MAGI1: variants seen among roughly 807,000 people sequenced by gnomAD.
The protein encoded by MAGI1 is membrane associated guanylate kinase, WW and PDZ domain containing 1, also known as membrane-associated guanylate kinase, WW and PDZ domain-containing protein 1.
A neutral mutation model predicts 139.9 loss-of-function variants in MAGI1; 58 were observed. The ratio of observed to expected loss-of-function variants is 0.41; its 90% CI spans 0.34 to 0.52. MAGI1 has a LOEUF of 0.52. Ranked by LOEUF, MAGI1 falls within the 20% of genes least tolerant of loss-of-function variation. The pLI, the probability that MAGI1 is intolerant of heterozygous loss-of-function variation, is 0.12. For synonymous variants in MAGI1, 812 were observed against 737.9 expected (o/e 1.10, Z -1.63); for missense variants, 1,874 against 1,901.6 (o/e 0.99, Z 0.27).
chr3:65,409,414 G>A (rs183071736), intron 12 of MAGI1, among the ~76,000 whole-genome samples: 1 of 152,274 alleles, frequency 6.6e-6, no homozygotes, highest in Admixed American at 6.5e-5. Flanking sequence ...GGGTGGGGGA[G>A]TGGGTGGAAG....
chr3:66,015,481 C>G (rs924881098), intron 1 of MAGI1, among the ~76,000 whole-genome samples: 1 of 152,058 alleles, frequency 6.6e-6, no homozygotes, highest in African/African-American at 2.4e-5. Context: ...ATCTTAACTC[C>G]TCTGTGCCTC....
intron 1 of MAGI1, among the ~76,000 whole-genome samples, chr3:65,750,328 G>T (rs2036042728): frequency 6.6e-6 from 1 of 152,038 alleles, no homozygotes; most frequent in African/African-American, 2.4e-5. Flanking sequence ...AAGTACCAGG[G>T]ATTTATACGT....
intron 2 of MAGI1, among the ~76,000 whole-genome samples, chr3:65,574,117 T>C (rs983930250): frequency 2.0e-5 from 3 of 151,984 alleles, no homozygotes; most frequent in Middle Eastern, 3.2e-3. Context: ...AAGATCAATA[T>C]ATAAAAATCT....
In MAGI1 at chr3:65,988,206, C is replaced by G. The variant is rs1380056352; in HGVS notation, c.313+49790G>C. The stretch of plus-strand genomic sequence containing the variant: ...CCCCTACAAGTTACTCAAATCTACA[C>G]TTGTCCCGAAATTCAGGATATCCAT... On this transcript the variant is annotated intron_variant, in intron 1 of 22. Transcript: ENST00000402939. Among the ~76,000 whole-genome samples, 5 of 152,202 alleles carry G rather than the reference C, an allele frequency of 3.3e-5. No homozygotes were observed. The East Asian group carries it at 9.6e-4, about 29-fold the overall frequency.
intron 1 of MAGI1, among the ~76,000 whole-genome samples, chr3:65,869,594 G>C (rs1278988297): frequency 6.6e-6 from 1 of 151,826 alleles, no homozygotes; most frequent in Non-Finnish European, 1.5e-5. Flanking sequence ...TAGAGACAGG[G>C]TTTCACTGTG....
Position 65,984,512 on chromosome 3 carries a change from ATGTGTGTG to A in MAGI1, c.313+53476_313+53483del, listed in dbSNP as rs34046056. On this transcript the variant is annotated intron_variant, in intron 1 of 22. Coordinates refer to ENST00000402939, the MANE Select transcript of MAGI1 (RefSeq NM_001033057.2). ...TTTAATATAATATTTTCAAAATAAA[ATGTGTGTG>A]TGTGTGTGTGTGTGTGTGTGTGTGT... 1.9e-3 allele frequency among the ~76,000 whole-genome samples: 264 copies of A among 140,472 alleles called. 1 individual carries two copies. Among genetic ancestry groups the A allele is most frequent in the African/African-American group, 4.8e-3 (179 of 37,338 alleles). 92.2% of individuals were successfully genotyped at this position (140,472 alleles called of 152,430 possible).
intron 1 of MAGI1, among the ~76,000 whole-genome samples, chr3:66,003,370 G>C (rs2066851154): frequency 6.6e-6 from 1 of 152,086 alleles, no homozygotes; most frequent in Non-Finnish European, 1.5e-5. Context: ...AAAGAGGAGA[G>C]GCAGGACATG....
At chr3:65,519,570 G>A (rs1343978986) in intron 2 of MAGI1, among the ~76,000 whole-genome samples, 1 of 152,044 alleles carries the variant, frequency 6.6e-6, no homozygotes, top group Non-Finnish European at 1.5e-5. Context: ...ATTTTTAGTA[G>A]AGATAGGGTT....
At chr3:65,953,178 G>T (rs1355026389) in intron 1 of MAGI1, among the ~76,000 whole-genome samples, 1 of 152,162 alleles carries the variant, frequency 6.6e-6, no homozygotes, top group Non-Finnish European at 1.5e-5. Context: ...AGTGAGCAAA[G>T]GTTCTGATCA....
chr3:65,867,338 A>C (rs2059764201), intron 1 of MAGI1, among the ~76,000 whole-genome samples: 1 of 152,236 alleles, frequency 6.6e-6, no homozygotes, highest in South Asian at 2.1e-4. Flanking sequence ...TGTTGGCAGC[A>C]GCATTTTCTG....
At chr3:65,749,486 A>G (rs760197266) in intron 1 of MAGI1, among the ~76,000 whole-genome samples, 61 of 152,140 alleles carry the variant, frequency 4.0e-4, no homozygotes, top group South Asian at 8.3e-4. Flanking sequence ...ATGCAAAGGT[A>G]TAAGAATGAC....
chr3:65,586,845 A>T (rs966732708), intron 2 of MAGI1, among the ~76,000 whole-genome samples: 1 of 152,042 alleles, frequency 6.6e-6, no homozygotes, highest in Admixed American at 6.6e-5. Context: ...TGCATTCTGG[A>T]AAATGCAAAC....
chr3:65,705,681 T>A (rs2030127968), intron 1 of MAGI1, among the ~76,000 whole-genome samples: 1 of 152,214 alleles, frequency 6.6e-6, no homozygotes, highest in South Asian at 2.1e-4. Flanking sequence ...TACCCCTAGA[T>A]AATTAGACAT....
At chr3:65,518,730 T>A (rs1284487438) in intron 2 of MAGI1, among the ~76,000 whole-genome samples, 1 of 151,826 alleles carries the variant, frequency 6.6e-6, no homozygotes, top group Non-Finnish European at 1.5e-5. Flanking sequence ...ACTAAACACA[T>A]ACTATGTGCC....
chr3:65,428,716 A>C (rs1192117890), intron 12 of MAGI1, among the ~76,000 whole-genome samples: 2 of 152,212 alleles, frequency 1.3e-5, no homozygotes, highest in Non-Finnish European at 2.9e-5. Flanking sequence ...ATGAAAGACA[A>C]ATAATGAAAA....
At chr3:66,018,119 G>GGGGGT (rs2067760721) in intron 1 of MAGI1, among the ~76,000 whole-genome samples, 1 of 132,338 alleles carries the variant, frequency 7.6e-6, no homozygotes. Flanking sequence ...TTGGTGGGGG[G>GGGGGT]GGGGGGTGTC....
chr3:65,544,075 T>C (rs1221775378), intron 2 of MAGI1, among the ~76,000 whole-genome samples: 1 of 152,174 alleles, frequency 6.6e-6, no homozygotes, highest in Non-Finnish European at 1.5e-5. Flanking sequence ...AGCAGATATA[T>C]AAAGTAGATA....
At chr3:65,708,774 C>T (rs1398857374) in intron 1 of MAGI1, among the ~76,000 whole-genome samples, 2 of 152,170 alleles carry the variant, frequency 1.3e-5, no homozygotes, top group East Asian at 1.9e-4. Context: ...CTGGTGGCTT[C>T]CAGACAGACT....
chr3:65,806,004 T>C (rs181552873), intron 1 of MAGI1, among the ~76,000 whole-genome samples: 177 of 152,230 alleles, frequency 1.2e-3, no homozygotes, highest in African/African-American at 4.1e-3. Context: ...AATACCTATG[T>C]GATAGGTTCA....
Sources: allele counts gnomAD v4.1 joint callset (sites outside exome capture counted in the v4.1 genomes callset), GRCh38; gene constraint gnomAD v4.1.1; transcripts MANE v1.5; gene names NCBI Gene and HGNC (gene_info 2026-07-23, HGNC 2026-07-21).